Variants in GOLM2 observed in about 807,000 individuals in gnomAD.
GOLM2 encodes golgi membrane protein 2.
Under a neutral mutation model 55.9 loss-of-function variants are expected in GOLM2, and 26 were observed. That is an observed-to-expected ratio of 0.47 (90% CI 0.34 to 0.65). The LOEUF (loss-of-function observed/expected upper bound fraction) is 0.65. GOLM2 is among the 30% of genes least tolerant of loss of function. The probability of loss-of-function intolerance (pLI) is 0.01; values close to 1 mark genes in which losing one functional copy is unlikely to be tolerated. For synonymous variants in GOLM2, 165 were observed against 194.6 expected, an observed-to-expected ratio of 0.85 and a Z score of 1.27; for missense variants, 486 against 531.8, an observed-to-expected ratio of 0.91 and a Z score of 0.85.
intron 3 of GOLM2, among the ~76,000 whole-genome samples, chr15:44,330,987 A>G (rs189226901): frequency 1.6e-4 from 25 of 152,182 alleles, no homozygotes; most frequent in East Asian, 7.7e-4. Context: ...ACATATAGGA[A>G]GTTGGTGGGT....
At chr15:44,352,789 C>G (rs1390247963) in intron 6 of GOLM2, among the ~76,000 whole-genome samples, 2 of 151,704 alleles carry the variant, frequency 1.3e-5, no homozygotes, top group Non-Finnish European at 2.9e-5. Flanking sequence ...ACCTGTAATC[C>G]CAACTACTCA....
At chr15:44,400,633 G>A (rs1166950643) in intron 8 of GOLM2, among the ~76,000 whole-genome samples, 1 of 133,536 alleles carries the variant, frequency 7.5e-6, no homozygotes, top group Non-Finnish European at 1.5e-5. Context: ...CTGGAGTACA[G>A]TGGCGCAATC....
At chr15:44,374,789 G>A (rs2079353420) in intron 6 of GOLM2, among the ~76,000 whole-genome samples, 1 of 152,142 alleles carries the variant, frequency 6.6e-6, no homozygotes, top group Non-Finnish European at 1.5e-5. Context: ...CCACCTCCAT[G>A]ATCCAGTCAC....
chr15:44,343,080 T>C (rs1214909045), intron 6 of GOLM2, among the ~76,000 whole-genome samples: 1 of 152,206 alleles, frequency 6.6e-6, no homozygotes, highest in East Asian at 1.9e-4. Context: ...ATGCCTGTAA[T>C]CTCAGCACTT....
intron 9 of GOLM2, among the ~76,000 whole-genome samples, chr15:44,410,472 A>T (rs951139697): frequency 1.3e-5 from 2 of 152,102 alleles, no homozygotes; most frequent in Non-Finnish European, 2.9e-5. Flanking sequence ...GAGTTCATTG[A>T]TAATTGATTA....
chr15:44,411,201 T>C (rs1232105402), intron 9 of GOLM2, among the ~76,000 whole-genome samples: 1 of 151,534 alleles, frequency 6.6e-6, no homozygotes, highest in African/African-American at 2.4e-5. Flanking sequence ...TTTGTATTTT[T>C]AGTAGAGACT....
At chr15:44,377,998 A>T (rs1049860468) in intron 6 of GOLM2, among the ~76,000 whole-genome samples, 1 of 150,308 alleles carries the variant, frequency 6.7e-6, no homozygotes, top group African/African-American at 2.4e-5. Context: ...CTATAGGAAC[A>T]TGTTATTAAG....
Position 44,289,385 on chromosome 15 carries a change from C to T in GOLM2, c.327+29C>T, listed in dbSNP as rs1331306166. 2 of 1,571,078 alleles carry T rather than the reference C, an allele frequency of 1.3e-6. No homozygotes were observed. The highest frequency in any genetic ancestry group is 1.7e-6 in the Non-Finnish European group (2 of 1,156,750). ...AGGACGACCCTTTTCTCTTCAAACCCCATGGTTTCTTTTCTCCCCGGGGTC... is the reference window on the plus strand; with the variant it reads ...AGGACGACCCTTTTCTCTTCAAACCTCATGGTTTCTTTTCTCCCCGGGGTC... On this transcript the variant is annotated intron_variant, in intron 1 of 9. Transcript: ENST00000299957. This position sits in a 1 kb window ranked among gnomAD's most constrained non-coding sequence, Gnocchi z 4.8.
intron 1 of GOLM2, among the ~76,000 whole-genome samples, chr15:44,295,584 A>G (rs1462337529): frequency 1.3e-5 from 2 of 152,296 alleles, no homozygotes; most frequent in African/African-American, 2.4e-5. Flanking sequence ...AACAGCAGAA[A>G]TTTATTTTCT....
intron 6 of GOLM2, among the ~76,000 whole-genome samples, chr15:44,370,779 G>A (rs1379800268): frequency 6.6e-6 from 1 of 152,056 alleles, no homozygotes; most frequent in East Asian, 1.9e-4. Flanking sequence ...TCCCACCTTT[G>A]CCTCTGAGTA....
At chr15:44,331,939 G>C (rs754661340) in intron 3 of GOLM2, 49 bp from the exon 4 acceptor site, 99 of 1,319,358 alleles carry the variant, frequency 7.5e-5, no homozygotes, top group Non-Finnish European at 1.1e-4. Context: ...ACAACTTTGA[G>C]AATCCAATCC....
intron 1 of GOLM2, among the ~76,000 whole-genome samples, chr15:44,305,871 C>CT (rs973849506): frequency 1.3e-5 from 2 of 151,994 alleles, no homozygotes; most frequent in East Asian, 1.9e-4. Context: ...TGAAAGGAAT[C>CT]TTTTTTTTAA....
intron 4 of GOLM2, among the ~76,000 whole-genome samples, chr15:44,332,350 A>G (rs2141140855): frequency 6.6e-6 from 1 of 152,280 alleles, no homozygotes; most frequent in South Asian, 2.1e-4. Context: ...CGAGGTCAGG[A>G]GTTCAAGATC....
chr15:44,302,384 A>G (rs2078804880), intron 1 of GOLM2, among the ~76,000 whole-genome samples: 1 of 151,950 alleles, frequency 6.6e-6, no homozygotes, highest in Admixed American at 6.6e-5. Context: ...GCCTCAAGTG[A>G]TCTGTTCACC....
At chr15:44,302,527 G>A (rs2078806041) in intron 1 of GOLM2, among the ~76,000 whole-genome samples, 1 of 151,434 alleles carries the variant, frequency 6.6e-6, no homozygotes, top group African/African-American at 2.4e-5. Flanking sequence ...GTCTCACTCT[G>A]TTGCCCAGGC....
At chr15:44,290,383 C>G (rs117777874) in intron 1 of GOLM2, among the ~76,000 whole-genome samples, 1 of 152,254 alleles carries the variant, frequency 6.6e-6, no homozygotes, top group East Asian at 1.9e-4. Flanking sequence ...TTTTACTTTG[C>G]ATATCAAAAT....
At chr15:44,352,706 G>C (rs1207626333) in intron 6 of GOLM2, among the ~76,000 whole-genome samples, 1 of 152,020 alleles carries the variant, frequency 6.6e-6, no homozygotes, top group African/African-American at 2.4e-5. Flanking sequence ...AGAAGTTCGA[G>C]ACCAGCCTGG....
rs557523246 is a variant in GOLM2, at chr15:44,382,661, A to T, written c.1072+1685A>T. Among the ~76,000 whole-genome samples the T allele has an allele frequency of 7.9e-5, 12 of 151,982 alleles. No homozygotes were observed. The East Asian group carries it at 2.3e-3, about 29-fold the overall frequency. ...TTCTAAACTTATATTTATTCTATAC[A>T]TTTTTTTAATTGTTGCCTTACCTGT... On this transcript the variant is annotated intron_variant, in intron 8 of 9. Coordinates refer to ENST00000299957, the MANE Select transcript of GOLM2 (RefSeq NM_138423.4).
At chr15:44,340,195 G>A (rs1200260578) in intron 6 of GOLM2, among the ~76,000 whole-genome samples, 2 of 146,914 alleles carry the variant, frequency 1.4e-5, no homozygotes, top group Admixed American at 6.7e-5. Flanking sequence ...CTGGGCTTAC[G>A]TGATCCTCCC....
Sources: allele counts gnomAD v4.1 joint callset (sites outside exome capture counted in the v4.1 genomes callset), GRCh38; gene constraint gnomAD v4.1.1; non-coding constraint Gnocchi (gnomAD v3.1); transcripts MANE v1.5; gene names NCBI Gene and HGNC (gene_info 2026-07-23, HGNC 2026-07-21).